TCEA3: variants seen among roughly 807,000 people sequenced by gnomAD.
TCEA3 encodes the protein transcription elongation factor A3, also known as transcription elongation factor A protein 3.
Under a neutral mutation model 44.0 loss-of-function variants are expected in TCEA3, and 36 were observed. The observed-to-expected ratio is 0.82, with a 90% confidence interval of 0.63 to 1.08. The LOEUF (loss-of-function observed/expected upper bound fraction) is 1.08, where lower values mean the gene tolerates loss of function less well. TCEA3 is among the 50% of genes least tolerant of loss of function. The pLI is 0.00. For missense variants in TCEA3, 392 were observed against 441.2 expected (o/e 0.89, Z 1.00); for synonymous variants, 162 against 159.7 (o/e 1.01, Z -0.11).
At chr1:23,423,858 C>A (rs1439737078) in intron 1 of TCEA3, 6 of 455,930 alleles carry the variant, frequency 1.3e-5, no homozygotes, top group Middle Eastern at 3.2e-4. Context: ...CTGCTCCCAA[C>A]CTCCCGCCGA....
intron 1 of TCEA3, chr1:23,423,891 G>A (rs1313415695): frequency 1.8e-5 from 8 of 455,132 alleles, no homozygotes; most frequent in South Asian, 1.1e-4. Flanking sequence ...CTCCGCCCTC[G>A]CCCTCGCTGC....
chr1:23,401,712 TTCACAGCGGATCAAG>T (rs1488559721), intron 5 of TCEA3, among the ~76,000 whole-genome samples: 1 of 152,096 alleles, frequency 6.6e-6, no homozygotes, highest in Non-Finnish European at 1.5e-5. Flanking sequence ...TTTTCAAAAA[TTCACAGCGGATCAAG>T]TCACTCCCCT....
rs1056098346 is a variant in TCEA3, at chr1:23,384,341, C to T, written c.1038+5G>A. 6.2e-7 allele frequency: 1 copy of T among 1,613,938 alleles called. No homozygotes were observed. The highest frequency in any genetic ancestry group is 1.3e-5 in the African/African-American group (1 of 75,066). ...GGGAAGGGGGAAATACATAAACATACAGACCTTCCAGCGATTGCCACATTC... is the reference window on the plus strand; with the variant it reads ...GGGAAGGGGGAAATACATAAACATATAGACCTTCCAGCGATTGCCACATTC... On this transcript the variant is annotated splice_donor_5th_base_variant and intron_variant, in intron 10 of 10. Coordinates refer to ENST00000450454, the MANE Select transcript of TCEA3 (RefSeq NM_003196.3).
chr1:23,420,700 T>G (rs1034515342), intron 1 of TCEA3, among the ~76,000 whole-genome samples: 2 of 152,184 alleles, frequency 1.3e-5, no homozygotes, highest in South Asian at 4.1e-4. Context: ...CGTTCTAATC[T>G]CTGAGAACTT....
chr1:23,394,142 C>A, intron 7 of TCEA3, 109 bp from the exon 8 acceptor site: 2 of 1,339,398 alleles, frequency 1.5e-6, no homozygotes, highest in South Asian at 1.5e-5. Context: ...CCTCGGACTT[C>A]TACAGGAGTT....
At position 23,397,638 on chromosome 1, in the gene TCEA3, C is replaced by T. The variant is rs772792863; in HGVS notation, c.608-37G>A. 3.0e-5 allele frequency: 48 copies of T among 1,610,154 alleles called. No homozygotes were observed. The East Asian group carries it at 3.3e-4, about 11-fold the overall frequency. On this transcript the variant is annotated intron_variant, in intron 6 of 10. Coordinates refer to ENST00000450454, the MANE Select transcript of TCEA3 (RefSeq NM_003196.3). The stretch of plus-strand genomic sequence containing the variant: ...TCGAGAAATACAGGTATCAGCCAGA[C>T]ACAACGTAGGCAGTGAAGCCTGCTT...
At chr1:23,422,577 C>T (rs1458686802) in intron 1 of TCEA3, among the ~76,000 whole-genome samples, 1 of 152,170 alleles carries the variant, frequency 6.6e-6, no homozygotes, top group Non-Finnish European at 1.5e-5. Flanking sequence ...TCCACTTTCA[C>T]TCCCAGAGCA....
chr1:23,408,804 C>A, intron 4 of TCEA3, 78 bp from the exon 5 acceptor site: 1 of 1,405,302 alleles, frequency 7.1e-7, no homozygotes, highest in Non-Finnish European at 9.8e-7. Context: ...AGAAAGCATC[C>A]TGGGAAAAGG....
chr1:23,406,507 C>T (rs1280431120), intron 5 of TCEA3, among the ~76,000 whole-genome samples: 2 of 152,172 alleles, frequency 1.3e-5, no homozygotes, highest in South Asian at 2.1e-4. Context: ...CCTGCTCTGA[C>T]CTCTGACCAC....
At chr1:23,386,490 G>C (rs956238857) in intron 9 of TCEA3, among the ~76,000 whole-genome samples, 1 of 152,020 alleles carries the variant, frequency 6.6e-6, no homozygotes, top group Admixed American at 6.6e-5. Context: ...TGCCTGCCTC[G>C]GCCTCCCAAA....
At chr1:23,404,403 T>C (rs1166707750) in intron 5 of TCEA3, among the ~76,000 whole-genome samples, 1 of 151,968 alleles carries the variant, frequency 6.6e-6, no homozygotes, top group Non-Finnish European at 1.5e-5. Context: ...GCTCAAATAC[T>C]TTCTCTTCCA....
chr1:23,415,559 A>G (rs1639865354), intron 4 of TCEA3, among the ~76,000 whole-genome samples: 1 of 152,214 alleles, frequency 6.6e-6, no homozygotes, highest in African/African-American at 2.4e-5. Context: ...CAGGTGCTCC[A>G]GACATGGCCA....
At position 23,419,067 on chromosome 1, in the gene TCEA3, C is replaced by G; in HGVS notation, c.132+10G>C. Reference sequence around the variant, plus strand: ...AGGCACTGTCCCAAGGCTTCCCACCCCCGCCCCACCTGTAGTAGCTGGATG... The same window carrying G: ...AGGCACTGTCCCAAGGCTTCCCACCGCCGCCCCACCTGTAGTAGCTGGATG... On this transcript the variant is annotated intron_variant, in intron 2 of 10. Coordinates refer to ENST00000450454, the MANE Select transcript of TCEA3 (RefSeq NM_003196.3). The G allele has an allele frequency of 6.5e-7, 1 of 1,529,336 alleles. No homozygotes were observed. Among genetic ancestry groups the G allele is most frequent in the Non-Finnish European group, 8.9e-7 (1 of 1,123,854 alleles). 94.7% of individuals were successfully genotyped at this position (1,529,336 alleles called of 1,614,324 possible).
At chr1:23,403,853 C>T in intron 5 of TCEA3, 1 of 508,374 alleles carries the variant, frequency 2.0e-6, no homozygotes, top group Non-Finnish European at 3.6e-6. Flanking sequence ...CCTGGTCCCG[C>T]CTCCCCGGTT....
chr1:23,404,158 GC>G (rs759867907), intron 5 of TCEA3: 1 of 702,338 alleles, frequency 1.4e-6, no homozygotes. Flanking sequence ...CAGCGAGCAT[GC>G]TCTGCAAATG....
At chr1:23,415,814 C>A (rs1623788) in intron 4 of TCEA3, among the ~76,000 whole-genome samples, 1,559 of 152,198 alleles carry the variant, frequency 0.01, 33 homozygotes, top group African/African-American at 0.035. Context: ...AGGAACAGAA[C>A]ATAGAAAATG....
intron 4 of TCEA3, chr1:23,412,082 G>A (rs1639726010): frequency 6.6e-6 from 1 of 152,124 alleles, no homozygotes; most frequent in Non-Finnish European, 1.5e-5. Context: ...GGTCTCTCTG[G>A]TCCTCAGTTT....
At chr1:23,415,011 G>GTTT (rs1639845986) in intron 4 of TCEA3, among the ~76,000 whole-genome samples, 2 of 76,044 alleles carry the variant, frequency 2.6e-5, no homozygotes, top group Non-Finnish European at 5.2e-5. Flanking sequence ...TCCCTTTACT[G>GTTT]TTCTTTTTTT....
intron 10 of TCEA3, 77 bp downstream of exon 10, chr1:23,384,269 G>A: frequency 6.2e-7 from 1 of 1,610,620 alleles, no homozygotes; most frequent in Non-Finnish European, 8.5e-7. Context: ...GCCCCTTCTG[G>A]GTTGTGGGTA....
Sources: allele counts gnomAD v4.1 joint callset (sites outside exome capture counted in the v4.1 genomes callset), GRCh38; gene constraint gnomAD v4.1.1; transcripts MANE v1.5; gene names NCBI Gene and HGNC (gene_info 2026-07-23, HGNC 2026-07-21).